The following VWC2 variants were observed in gnomAD, a reference collection of about 807,000 sequenced individuals.
VWC2 encodes von Willebrand factor C domain containing 2.
In VWC2, 14 loss-of-function variants were observed where a neutral mutation model predicts 29.8. The observed-to-expected ratio is 0.47, with a 90% confidence interval of 0.31 to 0.74. The LOEUF is 0.74. Among genes scored for constraint, VWC2 ranks in the 30% least tolerant of loss-of-function variants. VWC2 has a pLI of 0.05. For missense variants in VWC2, 457 were observed against 459.8 expected, an observed-to-expected ratio of 0.99 and a Z score of 0.05; for synonymous variants, 213 against 199.0, an observed-to-expected ratio of 1.07 and a Z score of -0.59.
intron 3 of VWC2, among the ~76,000 whole-genome samples, chr7:49,893,024 C>A (rs939851475): frequency 4.6e-5 from 7 of 152,142 alleles, no homozygotes; most frequent in African/African-American, 1.7e-4. Flanking sequence ...AAACAGGTTA[C>A]CTTTTGCTAT....
rs1486593461 is a variant in VWC2 at position 49,921,503 on chromosome 7, A to G, written c.*9318A>G. The G allele has an allele frequency of 2.0e-5, 3 of 152,188 alleles. No individual in the cohort carries two copies. The highest frequency in any genetic ancestry group is 1.5e-5 in the Non-Finnish European group (1 of 68,032). The allele number at this position is 152,188 out of a possible 1,614,324, so 9.4% of individuals were successfully genotyped here. A position where few individuals can be genotyped will look rare whatever the true frequency, so the allele number is the denominator to read the frequency against. ...CAGTTCTACCACTTACTGGTTATTT[A>G]TCAGGTACACGTTACCTACCTCTCT... On this transcript the variant is annotated 3_prime_UTR_variant, in exon 4 of 4. Transcript: ENST00000340652.
At chr7:49,826,438 CACAG>C (rs1373199575) in intron 3 of VWC2, among the ~76,000 whole-genome samples, 2 of 152,306 alleles carry the variant, frequency 1.3e-5, no homozygotes, top group East Asian at 1.9e-4. Flanking sequence ...AGGTGAGACT[CACAG>C]ACAGTCATTC....
At chr7:49,889,667 A>T (rs1418612652) in intron 3 of VWC2, among the ~76,000 whole-genome samples, 1 of 152,208 alleles carries the variant, frequency 6.6e-6, no homozygotes, top group African/African-American at 2.4e-5. Context: ...TTGCCCTAGG[A>T]GCTCCTCAAG....
intron 3 of VWC2, among the ~76,000 whole-genome samples, chr7:49,845,313 T>A (rs1021447832): frequency 1.3e-5 from 2 of 152,108 alleles, no homozygotes; most frequent in Non-Finnish European, 2.9e-5. Context: ...AGGTGATAGA[T>A]GATTTAAATA....
At chr7:49,811,966 T>C (rs1789020697) in intron 3 of VWC2, among the ~76,000 whole-genome samples, 1 of 152,238 alleles carries the variant, frequency 6.6e-6, no homozygotes, top group Non-Finnish European at 1.5e-5. Flanking sequence ...AAATGTAGTA[T>C]ATCCATGTAC....
chr7:49,864,361 G>C (rs182154735), intron 3 of VWC2, among the ~76,000 whole-genome samples: 1 of 152,280 alleles, frequency 6.6e-6, no homozygotes, highest in African/African-American at 2.4e-5. Context: ...TTTCCCAGGA[G>C]CCTCAGAATC....
intron 2 of VWC2, among the ~76,000 whole-genome samples, chr7:49,795,908 G>T (rs928284447): frequency 3.9e-5 from 6 of 152,154 alleles, no homozygotes; most frequent in Non-Finnish European, 7.3e-5. Flanking sequence ...CTCAGTGATA[G>T]ATCATCTGTG....
intron 2 of VWC2, among the ~76,000 whole-genome samples, chr7:49,778,867 T>C (rs1788109222): frequency 6.6e-6 from 1 of 152,234 alleles, no homozygotes; most frequent in African/African-American, 2.4e-5. Context: ...TCTGAAGTGC[T>C]TTGCACTTCT....
At chr7:49,840,000 C>G (rs1789757068) in intron 3 of VWC2, among the ~76,000 whole-genome samples, 1 of 152,186 alleles carries the variant, frequency 6.6e-6, no homozygotes, top group African/African-American at 2.4e-5. Flanking sequence ...AGGTCTGTTT[C>G]CAGGAAATGG....
chr7:49,908,002 T>C (rs1358474521), intron 3 of VWC2, among the ~76,000 whole-genome samples: 1 of 152,182 alleles, frequency 6.6e-6, no homozygotes, highest in Non-Finnish European at 1.5e-5. Context: ...GGGGATTGTC[T>C]ACGGAATGCA....
intron 3 of VWC2, among the ~76,000 whole-genome samples, chr7:49,803,376 A>C (rs547355861): frequency 6.6e-6 from 1 of 152,286 alleles, no homozygotes; most frequent in African/African-American, 2.4e-5. Flanking sequence ...GTGTTTCCTC[A>C]TCCTGACAAA....
intron 3 of VWC2, among the ~76,000 whole-genome samples, chr7:49,833,872 T>A (rs577715278): frequency 6.6e-6 from 1 of 152,238 alleles, no homozygotes; most frequent in South Asian, 2.1e-4. Flanking sequence ...GCAGTGGGAA[T>A]TTAGTTATAT....
At chr7:49,828,102 C>A (rs1789446134) in intron 3 of VWC2, among the ~76,000 whole-genome samples, 1 of 152,142 alleles carries the variant, frequency 6.6e-6, no homozygotes, top group Non-Finnish European at 1.5e-5. Context: ...TCAGAGACAT[C>A]ATGTAAGTAG....
intron 2 of VWC2, among the ~76,000 whole-genome samples, chr7:49,787,678 T>G (rs1229184614): frequency 6.6e-6 from 1 of 152,144 alleles, no homozygotes; most frequent in African/African-American, 2.4e-5. Context: ...ACAAATGTCA[T>G]GAGTGGGTAG....
chr7:49,819,664 G>C (rs1224820906), intron 3 of VWC2, among the ~76,000 whole-genome samples: 1 of 152,190 alleles, frequency 6.6e-6, no homozygotes, highest in Non-Finnish European at 1.5e-5. Flanking sequence ...AGGTGGCTTT[G>C]AATTCCAGCT....
At chr7:49,828,742 A>G (rs1215122744) in intron 3 of VWC2, among the ~76,000 whole-genome samples, 1 of 152,188 alleles carries the variant, frequency 6.6e-6, no homozygotes, top group East Asian at 1.9e-4. Context: ...TCTGAGAGGT[A>G]GTAAACAACT....
chr7:49,845,278 A>C (rs938621499), intron 3 of VWC2, among the ~76,000 whole-genome samples: 22 of 151,352 alleles, frequency 1.5e-4, no homozygotes, highest in African/African-American at 5.4e-4. Flanking sequence ...GTACCCTGGA[A>C]CTTAAAAGTC....
intron 1 of VWC2, 51 bp from the exon 2 acceptor site, chr7:49,775,282 C>T (rs888355154): frequency 1.3e-5 from 5 of 383,716 alleles, no homozygotes; most frequent in African/African-American, 8.6e-5. Context: ...CGCGGCGGGC[C>T]GGGGCGCGCG....
intron 3 of VWC2, among the ~76,000 whole-genome samples, chr7:49,857,256 C>T (rs184122925): frequency 6.8e-4 from 104 of 152,222 alleles, no homozygotes; most frequent in African/African-American, 1.9e-3. Context: ...GCTCCTCTAG[C>T]GACTTTATAT....
Sources: allele counts gnomAD v4.1 joint callset (sites outside exome capture counted in the v4.1 genomes callset), GRCh38; gene constraint gnomAD v4.1.1; transcripts MANE v1.5; gene names NCBI Gene and HGNC (gene_info 2026-07-23, HGNC 2026-07-21).